Variants in RAD21 observed in about 807,000 individuals in gnomAD.
The protein encoded by RAD21 is RAD21 cohesin complex component, also known as double-strand-break repair protein rad21 homolog.
Under a neutral mutation model 71.5 loss-of-function variants are expected in RAD21, and 18 were observed. The ratio of observed to expected loss-of-function variants is 0.25; its 90% CI spans 0.17 to 0.37. The LOEUF is 0.37. Ranked by LOEUF, RAD21 falls within the 10% of genes least tolerant of loss-of-function variation. The pLI is 1.00. For missense variants in RAD21, 493 were observed against 769.1 expected, an observed-to-expected ratio of 0.64 and a Z score of 4.25; for synonymous variants, 248 against 254.0, an observed-to-expected ratio of 0.98 and a Z score of 0.22.
At chr8:116,872,115 T>C (rs151191212) in intron 1 of RAD21, among the ~76,000 whole-genome samples, 1 of 152,290 alleles carries the variant, frequency 6.6e-6, no homozygotes, top group East Asian at 1.9e-4. Flanking sequence ...AATAAAAAAC[T>C]ATAACAACTA....
chr8:116,856,544 A>G, intron 7 of RAD21, 102 bp downstream of exon 7: 4 of 1,317,280 alleles, frequency 3.0e-6, no homozygotes, highest in African/African-American at 3.0e-5. Flanking sequence ...GATATTTATA[A>G]TTCACTAAAA....
chr8:116,858,259 C>A (rs1812513411), intron 5 of RAD21, 93 bp downstream of exon 5: 2 of 939,010 alleles, frequency 2.1e-6, no homozygotes, highest in African/African-American at 3.3e-5. Flanking sequence ...AATTTTAAGT[C>A]TTTCTGTCTA....
intron 2 of RAD21, among the ~76,000 whole-genome samples, chr8:116,864,686 A>G (rs1482901875): frequency 6.6e-6 from 1 of 152,068 alleles, no homozygotes; most frequent in Non-Finnish European, 1.5e-5. Context: ...CAAAGGAGGG[A>G]AAAAAAACCT....
chr8:116,861,557 C>T (rs1010784014), intron 4 of RAD21, among the ~76,000 whole-genome samples: 3 of 151,704 alleles, frequency 2.0e-5, no homozygotes, highest in African/African-American at 7.3e-5. Flanking sequence ...TCCCTGCTAT[C>T]ATTATATAAC....
intron 1 of RAD21, chr8:116,874,007 T>C (rs1056199962): frequency 6.6e-6 from 1 of 152,176 alleles, no homozygotes; most frequent in Non-Finnish European, 1.5e-5. Flanking sequence ...AACGTAAAAA[T>C]TATCTTTTTA....
intron 12 of RAD21, among the ~76,000 whole-genome samples, chr8:116,849,781 T>C (rs928272193): frequency 2.6e-5 from 4 of 152,216 alleles, no homozygotes; most frequent in Admixed American, 6.5e-5. Flanking sequence ...GAAGTGGCTC[T>C]GAAACTAATT....
intron 2 of RAD21, among the ~76,000 whole-genome samples, chr8:116,864,792 G>C (rs1385114617): frequency 6.6e-6 from 1 of 152,100 alleles, no homozygotes; most frequent in Non-Finnish European, 1.5e-5. Flanking sequence ...TTTAGCCTAG[G>C]AGTAGGTAAA....
intron 1 of RAD21, among the ~76,000 whole-genome samples, chr8:116,870,801 A>C (rs1039513644): frequency 1.3e-5 from 2 of 151,602 alleles, no homozygotes; most frequent in Admixed American, 1.3e-4. Flanking sequence ...TTAATGAATA[A>C]GTAAGTAAGA....
At chr8:116,854,694 G>C (rs1371922904) in intron 8 of RAD21, among the ~76,000 whole-genome samples, 1 of 152,104 alleles carries the variant, frequency 6.6e-6, no homozygotes, top group Non-Finnish European at 1.5e-5. Context: ...GAATGAGTAT[G>C]TATAGACTTT....
chr8:116,857,749 T>G (rs1251730063), intron 5 of RAD21, among the ~76,000 whole-genome samples: 1 of 152,176 alleles, frequency 6.6e-6, no homozygotes, highest in South Asian at 2.1e-4. Context: ...ACTCTAAATA[T>G]GTATGTATGT....
At chr8:116,866,891 T>C in intron 1 of RAD21, 130 bp from the exon 2 acceptor site, 1 of 534,220 alleles carries the variant, frequency 1.9e-6, no homozygotes, top group East Asian at 3.4e-5. Context: ...AAATGTTTAA[T>C]ATGTATTTTA....
chr8:116,856,228 TC>T lies in RAD21; in HGVS notation c.874del (p.Asp292IlefsTer20). 1 of 1,603,636 alleles carries T rather than the reference TC, an allele frequency of 6.2e-7. No homozygotes were observed. The highest frequency in any genetic ancestry group is 8.5e-7 in the Non-Finnish European group (1 of 1,176,712). The stretch of plus-strand genomic sequence containing the variant: ...CTCATTTGGAACAAGTGTTGTTTGA[TC>T]AGTCATGGTTGGCATTGGTTCAACG... ...DPVEPMPTMTDQTTLVPNEEE... is the reference protein window; with the variant it reads ...DPVEPMPTMTXQTTLVPNEEE... On this transcript the variant is annotated frameshift_variant, in exon 8 of 14. Transcript: ENST00000297338. LOFTEE classifies it high-confidence loss of function.
chr8:116,851,008 ATACT>A (rs1279490092), intron 11 of RAD21: 3 of 296,078 alleles, frequency 1.0e-5, no homozygotes, highest in Non-Finnish European at 1.9e-5. Flanking sequence ...TTTCATTTTC[ATACT>A]TACTTTTTAG....
chr8:116,864,182 G>A (rs986012323), intron 2 of RAD21, among the ~76,000 whole-genome samples: 3 of 151,794 alleles, frequency 2.0e-5, no homozygotes, highest in African/African-American at 7.3e-5. Flanking sequence ...CTAAACACAA[G>A]TATTCAAAAT....
Position 116,861,023 on chromosome 8 carries a change from G to C in RAD21, c.374+818C>G, listed in dbSNP as rs575819942. Among the ~76,000 whole-genome samples, 9 of 152,118 alleles carry C rather than the reference G, an allele frequency of 5.9e-5. No homozygotes were observed. In the East Asian group the frequency reaches 1.7e-3, roughly 29 times the overall value. ...ATAATCCTAATTTCTCTAGTTATTAGCTATGTTTAAAAATTTCCATAATAA... is the reference window on the plus strand; with the variant it reads ...ATAATCCTAATTTCTCTAGTTATTACCTATGTTTAAAAATTTCCATAATAA... On this transcript the variant is annotated intron_variant, in intron 4 of 13. Coordinates refer to ENST00000297338, the MANE Select transcript of RAD21 (RefSeq NM_006265.3).
chr8:116,850,867 G>T lies in RAD21; in HGVS notation c.1471-100C>A, dbSNP rs1270047390. 7 of 749,868 alleles carry T rather than the reference G, an allele frequency of 9.3e-6. No homozygotes were observed. In the Admixed American group the frequency reaches 1.0e-4, roughly 11 times the overall value. 46.5% of individuals were successfully genotyped at this position (749,868 alleles called of 1,614,324 possible). On this transcript the variant is annotated intron_variant, in intron 11 of 13. Coordinates refer to ENST00000297338, the MANE Select transcript of RAD21 (RefSeq NM_006265.3). ...GTGGCTGAAGTTTTCTAGTCAAAAA[G>T]AAATACTGAGATTATATCTCTATAC... is the stretch of plus-strand genomic sequence containing the variant.
intron 7 of RAD21, 35 bp downstream of exon 7, chr8:116,856,611 A>G (rs1016529421): frequency 6.5e-7 from 1 of 1,548,558 alleles, no homozygotes; most frequent in Non-Finnish European, 8.7e-7. Context: ...ATGCCATACA[A>G]TCATCCCCAG....
At chr8:116,864,357 T>C (rs1812649479) in intron 2 of RAD21, among the ~76,000 whole-genome samples, 1 of 152,160 alleles carries the variant, frequency 6.6e-6, no homozygotes, top group South Asian at 2.1e-4. Context: ...TATATTGTTA[T>C]TTGTAAAAGA....
chr8:116,850,130 A>G (rs1291687573), intron 12 of RAD21, among the ~76,000 whole-genome samples: 1 of 152,198 alleles, frequency 6.6e-6, no homozygotes, highest in Non-Finnish European at 1.5e-5. Context: ...TAAAAAGAAA[A>G]AGTCATTTAA....
Sources: gnomAD v4.1 joint callset for allele counts (sites outside exome capture counted in the v4.1 genomes callset) on GRCh38, gnomAD v4.1.1 for gene constraint, MANE v1.5 for transcripts, NCBI Gene and HGNC (gene_info 2026-07-23, HGNC 2026-07-21) for gene names.